SUCLG1: variants seen among roughly 807,000 people sequenced by gnomAD.
The protein encoded by SUCLG1 is succinate-CoA ligase GDP/ADP-forming subunit alpha, also known as succinate--CoA ligase [ADP/GDP-forming] subunit alpha, mitochondrial.
Under a neutral mutation model 37.3 loss-of-function variants are expected in SUCLG1, and 26 were observed. The ratio of observed to expected loss-of-function variants is 0.70; its 90% CI spans 0.51 to 0.97. The LOEUF is 0.97. Among genes scored for constraint, SUCLG1 ranks in the 50% least tolerant of loss-of-function variants. The probability of loss-of-function intolerance (pLI) is 0.00; values close to 1 mark genes in which losing one functional copy is unlikely to be tolerated. For synonymous variants in SUCLG1, 163 were observed against 155.6 expected (o/e 1.05, Z -0.36); for missense variants, 433 against 432.9 (o/e 1.00, Z 0.00).
chr2:84,445,126 T>C (rs1003096020), intron 2 of SUCLG1, among the ~76,000 whole-genome samples: 1 of 152,190 alleles, frequency 6.6e-6, no homozygotes, highest in South Asian at 2.1e-4. Flanking sequence ...AGGATATTGA[T>C]TGGGGAAGTG....
chr2:84,448,162 T>A (rs1553394200), intron 2 of SUCLG1, among the ~76,000 whole-genome samples: 1 of 99,390 alleles, frequency 1.0e-5, no homozygotes. Flanking sequence ...GTGTGCTCAG[T>A]TATTTCAGAA....
At chr2:84,441,209 G>A (rs1287212508) in intron 4 of SUCLG1, 38 bp downstream of exon 4, 1 of 1,613,724 alleles carries the variant, frequency 6.2e-7, no homozygotes, top group East Asian at 2.2e-5. Flanking sequence ...CCTTGTGAGA[G>A]GCTTAATCTG....
chr2:84,452,187 A>T (rs1271974931), intron 1 of SUCLG1, among the ~76,000 whole-genome samples: 1 of 152,058 alleles, frequency 6.6e-6, no homozygotes, highest in Non-Finnish European at 1.5e-5. Context: ...CTATAATAAA[A>T]AAAAAAAAAA....
rs758422241 is a variant in SUCLG1, at chr2:84,441,430, A to G, written c.348T>C (p.Ser116=). The G allele has an allele frequency of 5.0e-6, 8 of 1,614,210 alleles. No individual in the cohort carries two copies. The South Asian group carries it at 8.8e-5, about 18-fold the overall frequency. Reference sequence around the variant, plus strand: ...CAAAAGGCGGAGGAACATAAATGACAGAAGCCGTTGCTCCTGTCTGTTCTT... The same window carrying G: ...CAAAAGGCGGAGGAACATAAATGACGGAAGCCGTTGCTCCTGTCTGTTCTT... The part of the protein sequence containing the change: ...EAKEQTGATA[S]VIYVPPPFAA... Residue 116 remains serine, a synonymous_variant, in exon 4 of 9, where the codon TCT becomes TCC. Transcript: ENST00000393868.
At chr2:84,453,820 CTCCT>C (rs1672980259) in intron 1 of SUCLG1, among the ~76,000 whole-genome samples, 1 of 152,236 alleles carries the variant, frequency 6.6e-6, no homozygotes, top group Non-Finnish European at 1.5e-5. Flanking sequence ...CCTAGGCCAC[CTCCT>C]TCTTTCCAGA....
chr2:84,451,474 C>T (rs902273322), intron 1 of SUCLG1, among the ~76,000 whole-genome samples: 1 of 152,176 alleles, frequency 6.6e-6, no homozygotes, highest in African/African-American at 2.4e-5. Context: ...ATTCACTTCT[C>T]CTTCCACAGG....
At chr2:84,425,138 G>A (rs911987175) in intron 8 of SUCLG1, among the ~76,000 whole-genome samples, 3 of 152,190 alleles carry the variant, frequency 2.0e-5, no homozygotes, top group East Asian at 1.9e-4. Context: ...TGACACTTAC[G>A]ATCTTCAAGA....
At chr2:84,431,762 T>A in intron 6 of SUCLG1, 103 bp from the exon 7 acceptor site, 1 of 1,193,492 alleles carries the variant, frequency 8.4e-7, no homozygotes, top group Non-Finnish European at 1.2e-6. Flanking sequence ...CTTACCCTTC[T>A]CTCTTATATT....
Position 84,433,429 on chromosome 2 carries a change from A to G in SUCLG1, c.596T>C (p.Val199Ala). Residue 199 changes from valine (V) to alanine (A), a missense_variant, in exon 6 of 9, where the codon GTG (valine) becomes GCG (alanine). Physicochemically the swap from Val to Ala is moderately conservative, Grantham distance 64. Transcript: ENST00000393868. The stretch of plus-strand genomic sequence containing the variant: ...ATAAGTCAGGGTGCCAGATCTGGAC[A>G]CAATGCCTTAACGAAAGAGAATTCA... ...HIHKKGRIGI[V>A]SRSGTLTYEA... 1 of 1,613,770 alleles carries G rather than the reference A, an allele frequency of 6.2e-7. No homozygotes were observed. Among genetic ancestry groups the G allele is most frequent in the African/African-American group, 1.3e-5 (1 of 75,046 alleles).
intron 1 of SUCLG1, among the ~76,000 whole-genome samples, chr2:84,454,629 A>C (rs59246648): frequency 0.015 from 2,250 of 152,344 alleles, 46 homozygotes; most frequent in East Asian, 0.066. Context: ...CACAAAAAAA[A>C]ACAAAACTAC....
intron 1 of SUCLG1, among the ~76,000 whole-genome samples, 165 bp downstream of exon 1, chr2:84,459,008 C>T (rs1226668318): frequency 2.6e-5 from 4 of 152,240 alleles, no homozygotes; most frequent in Non-Finnish European, 5.9e-5. Context: ...CAGCAAAGCT[C>T]CTTCCACCGT....
chr2:84,441,541 A>G (rs1489719549), intron 3 of SUCLG1, 82 bp from the exon 4 acceptor site: 11 of 1,451,896 alleles, frequency 7.6e-6, no homozygotes, highest in East Asian at 2.5e-5. Context: ...CATTTTAATA[A>G]TGTCTTGGGG....
intron 7 of SUCLG1, among the ~76,000 whole-genome samples, chr2:84,428,518 TG>T (rs1246827093): frequency 2.0e-5 from 3 of 152,164 alleles, no homozygotes; most frequent in African/African-American, 7.2e-5. Flanking sequence ...CATGTTTGAG[TG>T]GCATTAATTT....
chr2:84,456,444 G>C (rs1351389454), intron 1 of SUCLG1, among the ~76,000 whole-genome samples: 1 of 152,070 alleles, frequency 6.6e-6, no homozygotes, highest in Non-Finnish European at 1.5e-5. Context: ...AAAATTCTGA[G>C]GTTCAAAAAT....
intron 8 of SUCLG1, 107 bp downstream of exon 8, chr2:84,425,308 A>G (rs1356612176): frequency 7.3e-7 from 1 of 1,370,584 alleles, no homozygotes; most frequent in Non-Finnish European, 1.0e-6. Context: ...ACATCAGAAA[A>G]CCAATTAAGT....
In SUCLG1 at chr2:84,425,474, G is replaced by GA. The variant is rs774614125; in HGVS notation, c.954dup (p.Gln319SerfsTer23). 8 of 1,614,224 alleles carry GA rather than the reference G, an allele frequency of 5.0e-6. No homozygotes were observed. The highest frequency in any genetic ancestry group is 6.8e-6 in the Non-Finnish European group (8 of 1,180,036). ...ATACTGACCACAACTCCTGCACTCT[G>GA]AAGGGCAGAGATCTTCTCTTTAGCT... On this transcript the variant is annotated frameshift_variant, in exon 8 of 9. Coordinates refer to ENST00000393868, the MANE Select transcript of SUCLG1 (RefSeq NM_003849.4). LOFTEE classifies it high-confidence loss of function.
chr2:84,453,480 T>A (rs1573377017), intron 1 of SUCLG1, among the ~76,000 whole-genome samples: 1 of 152,162 alleles, frequency 6.6e-6, no homozygotes, highest in Middle Eastern at 3.4e-3. Flanking sequence ...AGTGGCACGA[T>A]CCCGGCTCAC....
intron 5 of SUCLG1, among the ~76,000 whole-genome samples, chr2:84,436,408 C>T (rs1672687463): frequency 6.6e-6 from 1 of 152,180 alleles, no homozygotes; most frequent in Admixed American, 6.5e-5. Flanking sequence ...AGAAAGACTG[C>T]CTTGGGATGG....
At chr2:84,443,422 TC>T (rs1482063024) in intron 2 of SUCLG1, 22 bp from the exon 3 acceptor site, 1 of 1,609,562 alleles carries the variant, frequency 6.2e-7, no homozygotes, top group Admixed American at 1.7e-5. Flanking sequence ...AAGCACAAGA[TC>T]CATGAGAAAC....
Sources: gnomAD v4.1 joint callset for allele counts (sites outside exome capture counted in the v4.1 genomes callset) on GRCh38, gnomAD v4.1.1 for gene constraint, MANE v1.5 for transcripts, NCBI Gene and HGNC (gene_info 2026-07-23, HGNC 2026-07-21) for gene names.